Variants in CCDC91 observed in about 807,000 individuals in gnomAD.
CCDC91 encodes coiled-coil domain-containing protein 91.
Under a neutral mutation model 63.2 loss-of-function variants are expected in CCDC91, and 48 were observed. The observed-to-expected ratio is 0.76, with a 90% CI of 0.60 to 0.97. The LOEUF (loss-of-function observed/expected upper bound fraction) is 0.97. Ranked by LOEUF, CCDC91 falls within the 50% of genes least tolerant of loss-of-function variation. CCDC91 has a pLI of 0.00. For synonymous variants in CCDC91, 167 were observed against 165.8 expected, an observed-to-expected ratio of 1.01 and a Z score of -0.06; for missense variants, 500 against 494.6, an observed-to-expected ratio of 1.01 and a Z score of -0.10.
At chr12:28,445,490 A>G (rs1284018671) in intron 8 of CCDC91, among the ~76,000 whole-genome samples, 2 of 152,236 alleles carry the variant, frequency 1.3e-5, no homozygotes, top group Admixed American at 1.3e-4. Flanking sequence ...GGTGAAACCC[A>G]TGAAGAAGCT....
chr12:28,307,700 A>G lies in CCDC91; in HGVS notation c.527A>G (p.Glu176Gly). 1 of 1,593,154 alleles carries G rather than the reference A, an allele frequency of 6.3e-7. No homozygotes were observed. Among genetic ancestry groups the G allele is most frequent in the Non-Finnish European group, 8.6e-7 (1 of 1,169,356 alleles). The stretch of plus-strand genomic sequence containing the variant: ...GTCTTAGAAAAAGGCTTTCTAAAAG[A>G]AAAAGAGCAAGAGGCCATTTCTTTT... ...HNVLEKGFLKEKEQEAISFQD... is the reference protein window; with the variant it reads ...HNVLEKGFLKGKEQEAISFQD... Residue 176 changes from glutamate to glycine, a missense_variant, in exon 6 of 13, where the codon GAA (glutamate) becomes GGA (glycine). Coordinates refer to ENST00000536442, the MANE Select transcript of CCDC91 (RefSeq NM_018318.5).
intron 11 of CCDC91, among the ~76,000 whole-genome samples, chr12:28,473,778 G>T (rs10843185): frequency 6.6e-6 from 1 of 151,878 alleles, no homozygotes; most frequent in Admixed American, 6.6e-5. Context: ...AACCGATGCC[G>T]TCAATCTCAT....
At chr12:28,240,649 T>TC (rs543655022) in intron 1 of CCDC91, among the ~76,000 whole-genome samples, 49 of 152,146 alleles carry the variant, frequency 3.2e-4, no homozygotes, top group Non-Finnish European at 2.2e-4. Flanking sequence ...CTTTTTTTTT[T>TC]CACTCAGTGT....
At chr12:28,489,311 A>G (rs2140979577) in intron 12 of CCDC91, among the ~76,000 whole-genome samples, 1 of 152,078 alleles carries the variant, frequency 6.6e-6, no homozygotes, top group African/African-American at 2.4e-5. Context: ...AGTGCCATAA[A>G]TTTTATTTTA....
intron 8 of CCDC91, among the ~76,000 whole-genome samples, chr12:28,437,053 A>G (rs1228043521): frequency 2.0e-5 from 3 of 151,490 alleles, no homozygotes; most frequent in Non-Finnish European, 4.4e-5. Flanking sequence ...TTGTAATGCC[A>G]TTTTCTACAA....
intron 11 of CCDC91, among the ~76,000 whole-genome samples, chr12:28,475,025 T>C (rs1243290625): frequency 1.3e-5 from 2 of 152,088 alleles, no homozygotes; most frequent in Non-Finnish European, 2.9e-5. Flanking sequence ...ATTGATAATA[T>C]TCTACTTCTT....
At position 28,342,244 on chromosome 12, in the gene CCDC91, A is replaced by G. The variant is rs544351128; in HGVS notation, c.577-20194A>G. On this transcript the variant is annotated intron_variant, in intron 6 of 12. Transcript: ENST00000536442. The stretch of plus-strand genomic sequence containing the variant: ...GCCCTTCCCTAGAGCCTCCAGATAG[A>G]AAGGCAGTCCTCCCTACCAGCATCT... 4.6e-5 allele frequency among the ~76,000 whole-genome samples: 7 copies of G among 152,324 alleles called. No homozygotes were observed. In the East Asian group the frequency reaches 1.2e-3, roughly 25 times the overall value.
At chr12:28,215,729 TAGAC>T (rs770202709) in intron 1 of CCDC91, among the ~76,000 whole-genome samples, 23 of 152,086 alleles carry the variant, frequency 1.5e-4, no homozygotes, top group Non-Finnish European at 2.2e-4. Flanking sequence ...AAGCCAGACA[TAGAC>T]AGAAGCAGTG....
chr12:28,548,770 G>T (rs2141904701), intron 12 of CCDC91, among the ~76,000 whole-genome samples: 1 of 152,118 alleles, frequency 6.6e-6, no homozygotes, highest in African/African-American at 2.4e-5. Context: ...CTAAGAACTG[G>T]CATTTTAATA....
At chr12:28,211,083 A>G (rs1184730554) in intron 1 of CCDC91, among the ~76,000 whole-genome samples, 1 of 148,652 alleles carries the variant, frequency 6.7e-6, no homozygotes, top group African/African-American at 2.5e-5. Flanking sequence ...AACAATACAG[A>G]AAGACTAAGC....
intron 6 of CCDC91, among the ~76,000 whole-genome samples, chr12:28,337,873 T>C (rs1942107616): frequency 6.6e-6 from 1 of 151,818 alleles, no homozygotes; most frequent in Admixed American, 6.6e-5. Context: ...ATTTCTATAG[T>C]TTTTTTTATG....
chr12:28,376,923 G>A (rs1331888196), intron 7 of CCDC91, among the ~76,000 whole-genome samples: 1 of 151,696 alleles, frequency 6.6e-6, no homozygotes, highest in Non-Finnish European at 1.5e-5. Context: ...TGCTAACATG[G>A]TACAATAGTG....
At chr12:28,464,429 C>A (rs918066008) in intron 11 of CCDC91, among the ~76,000 whole-genome samples, 6 of 152,168 alleles carry the variant, frequency 3.9e-5, no homozygotes, top group Non-Finnish European at 7.4e-5. Flanking sequence ...CCAAAAGAGA[C>A]CCCTTCCTTC....
intron 8 of CCDC91, among the ~76,000 whole-genome samples, chr12:28,441,195 A>G (rs1163365581): frequency 1.3e-5 from 2 of 151,976 alleles, no homozygotes; most frequent in Non-Finnish European, 2.9e-5. Context: ...ATAATGAGAG[A>G]GAGACTTTTG....
intron 8 of CCDC91, among the ~76,000 whole-genome samples, chr12:28,424,591 C>CT (rs1246294784): frequency 6.6e-6 from 1 of 151,982 alleles, no homozygotes; most frequent in Non-Finnish European, 1.5e-5. Flanking sequence ...ATTTATTAGT[C>CT]TTTTTTTCCA....
At chr12:28,495,292 G>A (rs1334438820) in intron 12 of CCDC91, among the ~76,000 whole-genome samples, 1 of 151,678 alleles carries the variant, frequency 6.6e-6, no homozygotes, top group Non-Finnish European at 1.5e-5. Context: ...ACAAATTTTT[G>A]TTGTAGTAAC....
chr12:28,543,227 T>G (rs1178447160), intron 12 of CCDC91, among the ~76,000 whole-genome samples: 1 of 152,092 alleles, frequency 6.6e-6, no homozygotes, highest in East Asian at 1.9e-4. Context: ...GCAAAAACCC[T>G]ATTTCCAAAT....
intron 1 of CCDC91, among the ~76,000 whole-genome samples, chr12:28,192,704 T>G (rs1390620581): frequency 6.6e-6 from 1 of 152,190 alleles, no homozygotes; most frequent in Admixed American, 6.5e-5. Flanking sequence ...GTAAGTTTGG[T>G]TTAGCTCATT....
chr12:28,391,456 ACT>A, intron 8 of CCDC91, 45 bp downstream of exon 8: 1 of 1,173,940 alleles, frequency 8.5e-7, no homozygotes, highest in Non-Finnish European at 1.3e-6. Flanking sequence ...TTTTCCCCTG[ACT>A]CTCTCCCCTG....
Sources: gnomAD v4.1 joint callset for allele counts (sites outside exome capture counted in the v4.1 genomes callset) on GRCh38, gnomAD v4.1.1 for gene constraint, MANE v1.5 for transcripts, NCBI Gene and HGNC (gene_info 2026-07-23, HGNC 2026-07-21) for gene names.